The following THSD7A variants were observed in gnomAD, a reference collection of about 807,000 sequenced individuals.
THSD7A encodes the protein thrombospondin type-1 domain-containing protein 7A.
THSD7A carries 96 observed loss-of-function variants against 231.3 expected under a neutral mutation model. The ratio of observed to expected loss-of-function variants is 0.41; its 90% CI spans 0.35 to 0.49. The LOEUF is 0.49. Ranked by LOEUF, THSD7A falls within the 20% of genes least tolerant of loss-of-function variation. THSD7A has a pLI of 0.05. For synonymous variants in THSD7A, 940 were observed against 743.3 expected, an observed-to-expected ratio of 1.26 and a Z score of -4.30; for missense variants, 2,290 against 2,070.2, an observed-to-expected ratio of 1.11 and a Z score of -2.06.
At chr7:11,570,599 A>G (rs1790582017) in intron 4 of THSD7A, among the ~76,000 whole-genome samples, 1 of 152,262 alleles carries the variant, frequency 6.6e-6, no homozygotes. Flanking sequence ...TCACAGTACC[A>G]CATAAATACA....
At chr7:11,756,094 A>T (rs962175241) in intron 1 of THSD7A, among the ~76,000 whole-genome samples, 1 of 151,990 alleles carries the variant, frequency 6.6e-6, no homozygotes, top group East Asian at 1.9e-4. Flanking sequence ...ACTATATTCC[A>T]GTTTCTTTAT....
intron 1 of THSD7A, among the ~76,000 whole-genome samples, chr7:11,743,691 ATACTC>A (rs1318244055): frequency 1.4e-5 from 2 of 140,978 alleles, no homozygotes; most frequent in African/African-American, 6.0e-5. Flanking sequence ...CTCCAGGACA[ATACTC>A]TAAGTTGTGT....
chr7:11,411,318 C>CCAGT lies in THSD7A; in HGVS notation c.3683_3686dup (p.Trp1229Ter). 2 of 1,609,664 alleles carry CCAGT rather than the reference C, an allele frequency of 1.2e-6. No individual in the cohort carries two copies. Among genetic ancestry groups the CCAGT allele is most frequent in the Non-Finnish European group, 1.7e-6 (2 of 1,177,428 alleles). ...CCTTCTCACTCAGCTGACATGTACT[C>CCAGT]CAGTCTGAAAAAAAGGGAAGCCCAT... is the stretch of plus-strand genomic sequence containing the variant. On this transcript the variant is annotated stop_gained and frameshift_variant, in exon 19 of 28. Coordinates refer to ENST00000423059, the MANE Select transcript of THSD7A (RefSeq NM_015204.3). LOFTEE classifies it high-confidence loss of function. This position sits in a 1 kb window ranked among gnomAD's most constrained non-coding sequence, Gnocchi z 4.1.
chr7:11,470,525 C>T (rs1785895146), intron 8 of THSD7A, among the ~76,000 whole-genome samples: 1 of 151,670 alleles, frequency 6.6e-6, no homozygotes, highest in Admixed American at 6.6e-5. Context: ...TTAAAAACTA[C>T]ATATTTAATA....
intron 6 of THSD7A, among the ~76,000 whole-genome samples, chr7:11,527,388 A>AATAT (rs1013718125): frequency 6.6e-6 from 1 of 151,134 alleles, no homozygotes; most frequent in Admixed American, 6.6e-5. Flanking sequence ...AATTGGCCAA[A>AATAT]ATATATATAT....
At chr7:11,408,030 A>T (rs919046726) in intron 19 of THSD7A, among the ~76,000 whole-genome samples, 2 of 152,224 alleles carry the variant, frequency 1.3e-5, no homozygotes, top group African/African-American at 2.4e-5. Context: ...CTAAAACTTA[A>T]CTGTGGTATA....
chr7:11,526,610 A>T (rs1788485338), intron 6 of THSD7A, among the ~76,000 whole-genome samples: 1 of 152,244 alleles, frequency 6.6e-6, no homozygotes, highest in East Asian at 1.9e-4. Context: ...ATAAATGTGC[A>T]TATAATGCCA....
intron 4 of THSD7A, among the ~76,000 whole-genome samples, chr7:11,587,866 G>C (rs998633467): frequency 2.0e-5 from 3 of 152,066 alleles, no homozygotes; most frequent in Non-Finnish European, 4.4e-5. Context: ...GTATTTTTTT[G>C]TACTAATACA....
At chr7:11,383,466 A>T (rs1273470176) in intron 23 of THSD7A, among the ~76,000 whole-genome samples, 2 of 151,978 alleles carry the variant, frequency 1.3e-5, no homozygotes, top group Non-Finnish European at 2.9e-5. Context: ...CTAGAAGGGA[A>T]ATTTCTTGGT....
intron 4 of THSD7A, among the ~76,000 whole-genome samples, chr7:11,545,905 G>GAACAGAGC (rs1311468809): frequency 2.0e-5 from 3 of 152,160 alleles, no homozygotes; most frequent in African/African-American, 7.2e-5. Flanking sequence ...TGTAGGACAT[G>GAACAGAGC]AACAGAGCAT....
At chr7:11,651,091 C>A (rs1025891504) in intron 1 of THSD7A, among the ~76,000 whole-genome samples, 2 of 151,988 alleles carry the variant, frequency 1.3e-5, no homozygotes, top group Non-Finnish European at 2.9e-5. Context: ...GATATACATA[C>A]AATGGGATAT....
At chr7:11,805,762 A>G (rs1028887331) in intron 1 of THSD7A, among the ~76,000 whole-genome samples, 2 of 152,126 alleles carry the variant, frequency 1.3e-5, no homozygotes, top group African/African-American at 4.8e-5. Context: ...AAACCACAAC[A>G]TTTCTATTCA....
chr7:11,665,114 A>G (rs1783076265), intron 1 of THSD7A, among the ~76,000 whole-genome samples: 1 of 152,066 alleles, frequency 6.6e-6, no homozygotes, highest in Non-Finnish European at 1.5e-5. Flanking sequence ...GCATGTTTAC[A>G]TCCAAATAAA....
intron 1 of THSD7A, among the ~76,000 whole-genome samples, chr7:11,699,911 C>A (rs1392189698): frequency 1.3e-5 from 2 of 151,210 alleles, no homozygotes; most frequent in Non-Finnish European, 3.0e-5. Context: ...TTCTCTGTCC[C>A]AGTACGTCTT....
chr7:11,490,929 C>T (rs749516149), intron 6 of THSD7A, among the ~76,000 whole-genome samples: 1 of 152,014 alleles, frequency 6.6e-6, no homozygotes, highest in East Asian at 1.9e-4. Context: ...AAAGTTTGTT[C>T]AATATGACAG....
rs553589561 is a variant in THSD7A, at chr7:11,695,543, G to A, written c.191-58582C>T. On this transcript the variant is annotated intron_variant, in intron 1 of 27. Transcript: ENST00000423059. ...ATTGAGTATCTAATCTGTCTTGATT[G>A]GGGTGAAACAGAATGGCCTGACCAA... Among the ~76,000 whole-genome samples, 3 of 151,600 alleles carry A rather than the reference G, an allele frequency of 2.0e-5. No homozygotes were observed. The South Asian group carries it at 6.2e-4, about 31-fold the overall frequency.
At chr7:11,405,291 C>G (rs1783545815) in intron 22 of THSD7A, among the ~76,000 whole-genome samples, 1 of 151,640 alleles carries the variant, frequency 6.6e-6, no homozygotes, top group African/African-American at 2.4e-5. Context: ...TTAAAATTTT[C>G]TTAAATCACA....
At chr7:11,733,080 C>T (rs1009499127) in intron 1 of THSD7A, among the ~76,000 whole-genome samples, 3 of 151,764 alleles carry the variant, frequency 2.0e-5, no homozygotes, top group Admixed American at 6.6e-5. Context: ...ATTATTTAGT[C>T]ACCAACTAAC....
At chr7:11,757,020 T>C (rs1782701330) in intron 1 of THSD7A, among the ~76,000 whole-genome samples, 1 of 151,960 alleles carries the variant, frequency 6.6e-6, no homozygotes, top group South Asian at 2.1e-4. Context: ...AAGGCCATAG[T>C]GTGTCTAATT....
Sources: allele counts gnomAD v4.1 joint callset (sites outside exome capture counted in the v4.1 genomes callset), GRCh38; gene constraint gnomAD v4.1.1; non-coding constraint Gnocchi (gnomAD v3.1); transcripts MANE v1.5; gene names NCBI Gene and HGNC (gene_info 2026-07-23, HGNC 2026-07-21).